Variants in LRPPRC observed in about 807,000 individuals in gnomAD.
LRPPRC encodes the protein leucine rich pentatricopeptide repeat containing.
Under a neutral mutation model 180.3 loss-of-function variants are expected in LRPPRC, and 120 were observed. The observed-to-expected ratio is 0.67, with a 90% CI of 0.57 to 0.77. The LOEUF (loss-of-function observed/expected upper bound fraction) is 0.77. Among genes scored for constraint, LRPPRC ranks in the 30% least tolerant of loss-of-function variants. The pLI is 0.00. For missense variants in LRPPRC, 2,012 were observed against 1,657.2 expected (o/e 1.21, Z -3.72); for synonymous variants, 723 against 600.0 (o/e 1.21, Z -3.00).
chr2:43,940,577 T>C (rs1282334426), intron 23 of LRPPRC, among the ~76,000 whole-genome samples: 2 of 152,152 alleles, frequency 1.3e-5, no homozygotes. Context: ...AAAAAATCCT[T>C]AATGGAAAGC....
rs994701404 is a variant in LRPPRC at position 43,973,972 on chromosome 2, AC to A, written c.1156-73del. On this transcript the variant is annotated intron_variant, in intron 9 of 37. Coordinates refer to ENST00000260665, the MANE Select transcript of LRPPRC (RefSeq NM_133259.4). Reference sequence around the variant, plus strand: ...CCGTTTGACCTGCTGCAAATATTCTACCACTTCTGAGATGAGCATTTTAAAC... The same window carrying A: ...CCGTTTGACCTGCTGCAAATATTCTACACTTCTGAGATGAGCATTTTAAAC... 175 of 1,129,044 alleles carry A rather than the reference AC, an allele frequency of 1.5e-4. No individual in the cohort carries two copies. The African/African-American group carries it at 2.4e-3, about 16-fold the overall frequency. 69.9% of individuals were successfully genotyped at this position (1,129,044 alleles called of 1,614,324 possible).
Position 43,976,125 on chromosome 2 carries a change from C to T in LRPPRC, c.737+18G>A. 1 of 1,529,718 alleles carries T rather than the reference C, an allele frequency of 6.5e-7. No homozygotes were observed. The highest frequency in any genetic ancestry group is 9.1e-7 in the Non-Finnish European group (1 of 1,103,190). The allele number at this position is 1,529,718 out of a possible 1,614,324, so 94.8% of individuals were successfully genotyped here. On this transcript the variant is annotated intron_variant, in intron 6 of 37. Transcript: ENST00000260665. The stretch of plus-strand genomic sequence containing the variant: ...GCCATCTATCACTTAAGAACCAAAA[C>T]CTTAGGTTGAACATTACCCAGCTCT...
chr2:43,898,016 A>G (rs919320141), intron 34 of LRPPRC, among the ~76,000 whole-genome samples: 6 of 151,580 alleles, frequency 4.0e-5, no homozygotes, highest in South Asian at 2.1e-4. Context: ...ATAGCAAGAT[A>G]AAACAATTTT....
At chr2:43,966,571 G>A (rs954839466) in intron 11 of LRPPRC, among the ~76,000 whole-genome samples, 8 of 151,316 alleles carry the variant, frequency 5.3e-5, no homozygotes, top group African/African-American at 7.3e-5. Flanking sequence ...CCACCACGCC[G>A]AGTAATTTTT....
Position 43,950,576 on chromosome 2 carries a change from G to A in LRPPRC, c.1674C>T (p.Ser558=), listed in dbSNP as rs376787135. 21 of 1,612,994 alleles carry A rather than the reference G, an allele frequency of 1.3e-5. No homozygotes were observed. The highest frequency in any genetic ancestry group is 1.0e-4 in the Admixed American group (6 of 59,990). ...FRRSMNINLW[S]EITELLYKDG... ...TTGCAATATTAGAGGGACTTACCTCGCTCCAAAGATTTATATTCATAGACC... is the reference window on the plus strand; with the variant it reads ...TTGCAATATTAGAGGGACTTACCTCACTCCAAAGATTTATATTCATAGACC... Residue 558 remains serine, a synonymous_variant, in exon 15 of 38, where the codon AGC becomes AGT. Transcript: ENST00000260665.
chr2:43,921,238 G>C (rs948526670), intron 27 of LRPPRC, among the ~76,000 whole-genome samples: 2 of 152,178 alleles, frequency 1.3e-5, no homozygotes, highest in Non-Finnish European at 2.9e-5. Context: ...GTTACAGTGA[G>C]CTGAGATCGG....
rs1451327156 is a variant in LRPPRC at position 43,946,177 on chromosome 2, C to G, written c.2146G>C (p.Ala716Pro). ...ESDMVTGGYA[A>P]LINLCCRHDK... The stretch of plus-strand genomic sequence containing the variant: ...TGTCGACAGCATAAATTTATTAAAG[C>G]TGCATAGCCACCAGTAACCATGTCG... Residue 716 changes from alanine to proline, a missense_variant, in exon 21 of 38, where the codon GCT (alanine) becomes CCT (proline). By Grantham distance (27) the Ala-to-Pro change is conservative. Coordinates refer to ENST00000260665, the MANE Select transcript of LRPPRC (RefSeq NM_133259.4). 2 of 1,611,418 alleles carry G rather than the reference C, an allele frequency of 1.2e-6. No homozygotes were observed. The highest frequency in any genetic ancestry group is 1.7e-6 in the Non-Finnish European group (2 of 1,177,786).
chr2:43,915,242 A>T (rs1388710638), intron 29 of LRPPRC, among the ~76,000 whole-genome samples: 2,056 of 91,926 alleles, frequency 0.022, 21 homozygotes, highest in South Asian at 0.04. Flanking sequence ...TCACACACAC[A>T]CACACACACA....
chr2:43,974,135 A>T lies in LRPPRC; in HGVS notation c.1155+15T>A. ...GCCAATTACATTGTCTACAAAGTAA[A>T]AGTGGACAGAATACCGTATTCATAG... On this transcript the variant is annotated intron_variant, in intron 9 of 37. Transcript: ENST00000260665. 6.2e-7 allele frequency: 1 copy of T among 1,610,850 alleles called. No homozygotes were observed. Among genetic ancestry groups the T allele is most frequent in the Non-Finnish European group, 8.5e-7 (1 of 1,176,970 alleles).
Position 43,889,816 on chromosome 2 carries a change from G to A in LRPPRC, c.4046C>T (p.Thr1349Ile), listed in dbSNP as rs1397628312. The change falls in exon 37 of 38, where the codon ACA becomes ATA. Residue 1349 changes from threonine (T) to isoleucine (I), a missense_variant. Transcript: ENST00000260665. ...ALYEHLTAKN[T>I]KLDDLFLKRY... The stretch of plus-strand genomic sequence containing the variant: ...CTTTAGAAACAGATCATCCAATTTT[G>A]TATTCTTTGCAGTCAAATGTTCATA... The A allele has an allele frequency of 6.2e-7, 1 of 1,609,716 alleles. No homozygotes were observed. Among genetic ancestry groups the A allele is most frequent in the Non-Finnish European group, 8.5e-7 (1 of 1,176,088 alleles).
In LRPPRC at chr2:43,975,097, A is replaced by C. The variant is rs2103716906; in HGVS notation, c.858T>G (p.Val286=). The change falls in exon 7 of 38, where the codon GTT becomes GTG. Residue 286 remains valine, a synonymous_variant. Coordinates refer to ENST00000260665, the MANE Select transcript of LRPPRC (RefSeq NM_133259.4). The part of the protein sequence containing the change: ...AYAEKGDIDH[V]KQTLEKVEKS... ...ATTTAGACATAAGTCATACCTGCTT[A>C]ACATGGTCAATGTCGCCCTTCTCAG... The C allele has an allele frequency of 6.2e-7, 1 of 1,612,988 alleles. No homozygotes were observed. Among genetic ancestry groups the C allele is most frequent in the Non-Finnish European group, 8.5e-7 (1 of 1,179,822 alleles).
chr2:43,925,293 T>G, intron 26 of LRPPRC, 136 bp from the exon 27 acceptor site: 1 of 707,594 alleles, frequency 1.4e-6, no homozygotes, highest in Non-Finnish European at 2.6e-6. Context: ...GTTAATGGGC[T>G]GAGCACAACA....
At chr2:43,980,852 G>A (rs1020738210) in intron 2 of LRPPRC, among the ~76,000 whole-genome samples, 5 of 152,210 alleles carry the variant, frequency 3.3e-5, no homozygotes, top group African/African-American at 1.2e-4. Context: ...AAGGGATGAG[G>A]AGTTGGGTAA....
At chr2:43,980,175 G>A (rs1283363007) in intron 2 of LRPPRC, among the ~76,000 whole-genome samples, 1 of 152,122 alleles carries the variant, frequency 6.6e-6, no homozygotes, top group Non-Finnish European at 1.5e-5. Flanking sequence ...TAAAATCTAT[G>A]TAATCTGCAA....
chr2:43,948,869 C>T (rs1672794244), intron 16 of LRPPRC, among the ~76,000 whole-genome samples: 1 of 151,818 alleles, frequency 6.6e-6, no homozygotes. Flanking sequence ...GTCTTGTACA[C>T]ATTTCTATAC....
intron 1 of LRPPRC, among the ~76,000 whole-genome samples, chr2:43,990,580 A>G (rs1337261338): frequency 1.3e-5 from 2 of 152,190 alleles, no homozygotes; most frequent in Non-Finnish European, 2.9e-5. Context: ...AACGGCCTCC[A>G]AGTCTCTTCA....
Position 43,974,180 on chromosome 2 carries a change from G to A in LRPPRC, c.1125C>T (p.Phe375=). 1 of 1,613,900 alleles carries A rather than the reference G, an allele frequency of 6.2e-7. No homozygotes were observed. The highest frequency in any genetic ancestry group is 1.1e-5 in the South Asian group (1 of 91,078). Residue 375 remains phenylalanine, a synonymous_variant, in exon 9 of 38, where the codon TTC becomes TTT. Coordinates refer to ENST00000260665, the MANE Select transcript of LRPPRC (RefSeq NM_133259.4). ...KEDGPSVFGS[F]FLQHCVTMNT... is the part of the protein sequence containing the mutation. ...TCATAGTCACACAGTGTTGTAAAAA[G>A]AAACTGCCAAAGACACTTGGGCCAT...
intron 27 of LRPPRC, among the ~76,000 whole-genome samples, chr2:43,919,420 T>A (rs921812039): frequency 6.6e-6 from 1 of 152,234 alleles, no homozygotes; most frequent in Non-Finnish European, 1.5e-5. Flanking sequence ...CTTAGTTGAA[T>A]AGAGAATTGT....
At chr2:43,952,841 CT>C (rs534344399) in intron 14 of LRPPRC, among the ~76,000 whole-genome samples, 1 of 152,168 alleles carries the variant, frequency 6.6e-6, no homozygotes, top group Admixed American at 6.5e-5. Context: ...TCCTGTCCCC[CT>C]ATCTGCCTTT....
Sources: gnomAD v4.1 joint callset for allele counts (sites outside exome capture counted in the v4.1 genomes callset) on GRCh38, gnomAD v4.1.1 for gene constraint, MANE v1.5 for transcripts, NCBI Gene and HGNC (gene_info 2026-07-23, HGNC 2026-07-21) for gene names.